GAPVD1: variants seen among roughly 807,000 people sequenced by gnomAD.
GAPVD1 encodes the protein GTPase activating protein and VPS9 domains 1, also known as GTPase-activating protein and VPS9 domain-containing protein 1.
In GAPVD1, 35 loss-of-function variants were observed where a neutral mutation model predicts 155.5. That is an observed-to-expected ratio of 0.23 (90% confidence interval 0.17 to 0.30). The LOEUF is 0.30. Ranked by LOEUF, GAPVD1 falls within the 10% of genes least tolerant of loss-of-function variation. The pLI is 1.00. For missense variants in GAPVD1, 1,429 were observed against 1,775.7 expected (o/e 0.80, Z 3.51); for synonymous variants, 636 against 619.7 (o/e 1.03, Z -0.39).
At chr9:125,331,233 C>A (rs962318350) in intron 13 of GAPVD1, among the ~76,000 whole-genome samples, 6 of 150,400 alleles carry the variant, frequency 4.0e-5, no homozygotes, top group Middle Eastern at 3.5e-3. Context: ...TGGAGTCTCA[C>A]TCTGTCACCC....
intron 3 of GAPVD1, among the ~76,000 whole-genome samples, chr9:125,298,322 A>C (rs749672389): frequency 6.6e-6 from 1 of 152,200 alleles, no homozygotes. Context: ...CAGGGTTTAC[A>C]GCACCTGTCT....
intron 13 of GAPVD1, 139 bp downstream of exon 13, chr9:125,330,357 T>C (rs1363822839): frequency 1.9e-6 from 1 of 527,076 alleles, no homozygotes; most frequent in East Asian, 3.6e-5. Context: ...CTTGCTCTTT[T>C]ACCCAGGCTG....
intron 15 of GAPVD1, among the ~76,000 whole-genome samples, chr9:125,334,114 G>A (rs1485377221): frequency 6.6e-6 from 1 of 152,122 alleles, no homozygotes; most frequent in African/African-American, 2.4e-5. Flanking sequence ...AGGGAGGAGT[G>A]TAGATGAAGT....
intron 2 of GAPVD1, among the ~76,000 whole-genome samples, chr9:125,294,875 C>T (rs1839596092): frequency 6.6e-6 from 1 of 151,742 alleles, no homozygotes; most frequent in African/African-American, 2.4e-5. Flanking sequence ...AAATAAAGTT[C>T]TATAAAAACC....
At position 125,342,771 on chromosome 9, in the gene GAPVD1, G is replaced by A. The variant is rs538048608; in HGVS notation, c.3046+472G>A. 1.6e-4 allele frequency among the ~76,000 whole-genome samples: 25 copies of A among 152,126 alleles called. No individual in the cohort carries two copies. In the South Asian group the frequency reaches 1.7e-3, roughly 10 times the overall value. ...CAGTGAAATTCTGTTTTACCTAATC[G>A]TTTCCTTTTTTGTGATAAAGTGTTT... On this transcript the variant is annotated intron_variant, in intron 19 of 27. Coordinates refer to ENST00000297933, the MANE Select transcript of GAPVD1 (RefSeq NM_001282680.3).
intron 5 of GAPVD1, 67 bp from the exon 6 acceptor site, chr9:125,304,996 T>C (rs2130978169): frequency 4.9e-6 from 5 of 1,011,550 alleles, no homozygotes; most frequent in Non-Finnish European, 4.7e-6. Context: ...GTGCTTGCTT[T>C]CATAGAGACG....
rs557438051 is a variant in GAPVD1 at position 125,271,037 on chromosome 9, C to T, written c.-150+2053C>T. On this transcript the variant is annotated intron_variant, in intron 2 of 27. Coordinates refer to ENST00000297933, the MANE Select transcript of GAPVD1 (RefSeq NM_001282680.3). ...TTTTTTTTTTGAGTTTGAAGATGAA[C>T]CAGATACCTGATAAATGCTTGTGTC... Among the ~76,000 whole-genome samples, 10 of 151,904 alleles carry T rather than the reference C, an allele frequency of 6.6e-5. No homozygotes were observed. The East Asian group carries it at 1.7e-3, about 26-fold the overall frequency.
At position 125,326,503 on chromosome 9, in the gene GAPVD1, A is replaced by C. The variant is rs760527292; in HGVS notation, c.1946A>C (p.Glu649Ala). The C allele has an allele frequency of 6.2e-7, 1 of 1,609,192 alleles. No homozygotes were observed. Among genetic ancestry groups the C allele is most frequent in the South Asian group, 1.1e-5 (1 of 91,014 alleles). ...MGLTDDRDIS[E>A]TVSETWSTDV... ...TTAACAGATGATAGGGACATATCAGAAACAGTGAGTGAGACCTGGAGTACA... is the reference window on the plus strand; with the variant it reads ...TTAACAGATGATAGGGACATATCAGCAACAGTGAGTGAGACCTGGAGTACA... Residue 649 changes from glutamate to alanine, a missense_variant, in exon 12 of 28, where the codon GAA becomes GCA. Physicochemically the swap from Glu to Ala is moderately radical, Grantham distance 107. Coordinates refer to ENST00000297933, the MANE Select transcript of GAPVD1 (RefSeq NM_001282680.3).
At chr9:125,354,545 A>T in intron 23 of GAPVD1, 109 bp from the exon 24 acceptor site, 1 of 686,992 alleles carries the variant, frequency 1.5e-6, no homozygotes, top group Admixed American at 2.4e-5. Flanking sequence ...GCTACTTTGT[A>T]AAACCAGTCT....
At chr9:125,262,282 C>T (rs1833051606) in intron 1 of GAPVD1, among the ~76,000 whole-genome samples, 1 of 152,080 alleles carries the variant, frequency 6.6e-6, no homozygotes, top group Admixed American at 6.6e-5. Context: ...ACGAGAGGCC[C>T]GGCAGGTAGG....
At chr9:125,263,752 G>C in intron 1 of GAPVD1, 2 of 895,836 alleles carry the variant, frequency 2.2e-6, no homozygotes, top group Non-Finnish European at 3.7e-6. Flanking sequence ...TTCCCCTCTT[G>C]TGAGTCTCGC....
chr9:125,351,156 CAA>C (rs1849240508), intron 23 of GAPVD1, among the ~76,000 whole-genome samples: 2 of 152,162 alleles, frequency 1.3e-5, no homozygotes, highest in Admixed American at 6.6e-5. Context: ...TGGCAGCAGA[CAA>C]GAGAAGAGAA....
intron 2 of GAPVD1, among the ~76,000 whole-genome samples, chr9:125,293,870 A>AAATATAT (rs1554757171): frequency 0.026 from 539 of 20,988 alleles, 27 homozygotes; most frequent in African/African-American, 0.11. Context: ...ATATATATAT[A>AAATATAT]TATATATATA....
At chr9:125,327,084 T>G (rs376517976) in intron 12 of GAPVD1, among the ~76,000 whole-genome samples, 3 of 152,204 alleles carry the variant, frequency 2.0e-5, no homozygotes, top group East Asian at 3.9e-4. Flanking sequence ...GTAACCAGGT[T>G]TTTCTTTTTC....
chr9:125,362,582 C>T, intron 27 of GAPVD1, 24 bp from the exon 28 acceptor site: 2 of 1,569,508 alleles, frequency 1.3e-6, no homozygotes, highest in Admixed American at 1.9e-5. Context: ...GTAATTGATT[C>T]TTTTTTATTT....
chr9:125,265,823 T>G (rs1460121257), intron 1 of GAPVD1, among the ~76,000 whole-genome samples: 1 of 147,502 alleles, frequency 6.8e-6, no homozygotes, highest in Non-Finnish European at 1.5e-5. Flanking sequence ...TTTTAGCACT[T>G]TTGGAGTTTG....
rs1851483736 is a variant in GAPVD1, at chr9:125,366,651, G to A, written c.*3905G>A. On this transcript the variant is annotated 3_prime_UTR_variant, in exon 28 of 28. Coordinates refer to ENST00000297933, the MANE Select transcript of GAPVD1 (RefSeq NM_001282680.3). Reference sequence around the variant, plus strand: ...TTGAAGCCCAAAGGATTTTTAGTAAGTGGATTAACAGTGATGAGGTATTTG... The same window carrying A: ...TTGAAGCCCAAAGGATTTTTAGTAAATGGATTAACAGTGATGAGGTATTTG... 1 of 152,356 alleles carries A rather than the reference G, an allele frequency of 6.6e-6. No individual in the cohort carries two copies. Among genetic ancestry groups the A allele is most frequent in the Non-Finnish European group, 1.5e-5 (1 of 68,028 alleles). The allele number at this position is 152,356 out of a possible 1,614,324, so 9.4% of individuals were successfully genotyped here.
chr9:125,277,121 T>C (rs1297438705), intron 2 of GAPVD1, among the ~76,000 whole-genome samples: 1 of 152,214 alleles, frequency 6.6e-6, no homozygotes, highest in Non-Finnish European at 1.5e-5. Context: ...AGTAGCAGCT[T>C]GACTGATTCC....
chr9:125,331,860 C>T, intron 13 of GAPVD1, 66 bp from the exon 14 acceptor site: 1 of 1,512,010 alleles, frequency 6.6e-7, no homozygotes, highest in Non-Finnish European at 9.2e-7. Flanking sequence ...ATCTGGGTCA[C>T]AAAAGCTGAA....
Sources: gnomAD v4.1 joint callset for allele counts (sites outside exome capture counted in the v4.1 genomes callset) on GRCh38, gnomAD v4.1.1 for gene constraint, MANE v1.5 for transcripts, NCBI Gene and HGNC (gene_info 2026-07-23, HGNC 2026-07-21) for gene names.